RAI1: variants seen among roughly 807,000 people sequenced by gnomAD.
RAI1 encodes retinoic acid induced 1, also known as retinoic acid-induced protein 1.
In RAI1, 9 loss-of-function variants were observed where a neutral mutation model predicts 123.8. The observed-to-expected ratio is 0.07, with a 90% CI of 0.04 to 0.13. The LOEUF is 0.13. Ranked by LOEUF, RAI1 falls within the 10% of genes least tolerant of loss-of-function variation. The pLI is 1.00. For missense variants in RAI1, 2,256 were observed against 2,545.8 expected, an observed-to-expected ratio of 0.89 and a Z score of 2.45; for synonymous variants, 1,231 against 1,127.3, an observed-to-expected ratio of 1.09 and a Z score of -1.84.
At chr17:17,785,803 G>A (rs2031807464) in intron 2 of RAI1, among the ~76,000 whole-genome samples, 1 of 152,154 alleles carries the variant, frequency 6.6e-6, no homozygotes, top group Non-Finnish European at 1.5e-5. Context: ...AGCTTCTGCT[G>A]GGCCCGTGAG....
intron 1 of RAI1, among the ~76,000 whole-genome samples, chr17:17,716,345 A>C (rs539626258): frequency 3.3e-5 from 5 of 152,388 alleles, no homozygotes; most frequent in Non-Finnish European, 5.9e-5. Flanking sequence ...GGACTTCTAC[A>C]TAGAGAAATC....
intron 2 of RAI1, among the ~76,000 whole-genome samples, chr17:17,752,307 C>T (rs963080710): frequency 2.0e-5 from 3 of 152,218 alleles, no homozygotes; most frequent in African/African-American, 4.8e-5. Flanking sequence ...CGGGCAGACG[C>T]CCCTGATTGG....
intron 2 of RAI1, among the ~76,000 whole-genome samples, chr17:17,765,243 A>G (rs760659836): frequency 6.6e-6 from 1 of 152,354 alleles, no homozygotes; most frequent in African/African-American, 2.4e-5. Context: ...TTCCCATTCA[A>G]TGTGTGCCTT....
At chr17:17,725,912 G>A (rs1436356276) in intron 2 of RAI1, among the ~76,000 whole-genome samples, 3 of 152,094 alleles carry the variant, frequency 2.0e-5, no homozygotes, top group Non-Finnish European at 4.4e-5. Context: ...CTTGGTCCAG[G>A]AATAGAAAGA....
chr17:17,686,978 G>A (rs942287310), intron 1 of RAI1, among the ~76,000 whole-genome samples: 9 of 152,106 alleles, frequency 5.9e-5, no homozygotes, highest in Admixed American at 3.3e-4. Flanking sequence ...TGAACAATGA[G>A]CATCCGGTTT....
chr17:17,768,172 G>C (rs11658846), intron 2 of RAI1, among the ~76,000 whole-genome samples: 18,314 of 152,226 alleles, frequency 0.12, 1,943 homozygotes, highest in African/African-American at 0.29. Context: ...TGCCTGGGAC[G>C]TAGGGGACAC....
Position 17,770,414 on chromosome 17 carries a change from G to A in RAI1, c.-16-22519G>A, listed in dbSNP as rs572505415. 1.4e-4 allele frequency among the ~76,000 whole-genome samples: 22 copies of A among 152,314 alleles called. No individual in the cohort carries two copies. In the South Asian group the frequency reaches 3.7e-3, roughly 26 times the overall value. On this transcript the variant is annotated intron_variant, in intron 2 of 5. Coordinates refer to ENST00000353383, the MANE Select transcript of RAI1 (RefSeq NM_030665.4). ...CTCAGCCTGGGTAAGAGATGCTGGC[G>A]GCTGAGCTGGGATCCTTGCGTGTGC...
chr17:17,683,676 G>A (rs936378069), intron 1 of RAI1: 5 of 152,292 alleles, frequency 3.3e-5, no homozygotes, highest in African/African-American at 9.6e-5. Flanking sequence ...ACAAGCAAAA[G>A]CCTTGGAGAG....
In RAI1 at chr17:17,809,382, G is replaced by T; in HGVS notation, c.5660-8G>T. ...GTCCTAACCACCGAAACTTCTCTTTGGTCACAGGTTGCATATTCATCGAAG... is the reference window on the plus strand; with the variant it reads ...GTCCTAACCACCGAAACTTCTCTTTTGTCACAGGTTGCATATTCATCGAAG... On this transcript the variant is annotated splice_polypyrimidine_tract_variant and splice_region_variant and intron_variant, in intron 4 of 5. Coordinates refer to ENST00000353383, the MANE Select transcript of RAI1 (RefSeq NM_030665.4). This position sits in a 1 kb window ranked among gnomAD's most constrained non-coding sequence, Gnocchi z 4.9. The T allele has an allele frequency of 6.2e-7, 1 of 1,604,630 alleles. No homozygotes were observed. Among genetic ancestry groups the T allele is most frequent in the Non-Finnish European group, 8.5e-7 (1 of 1,171,538 alleles).
Position 17,797,076 on chromosome 17 carries a change from G to A in RAI1, c.4128G>A (p.Val1376=). 6.2e-7 allele frequency: 1 copy of A among 1,614,016 alleles called. No individual in the cohort carries two copies. Among genetic ancestry groups the A allele is most frequent in the Non-Finnish European group, 8.5e-7 (1 of 1,180,054 alleles). ...RGLKGAGGSP[V]GVEEGLVNVG... ...TCAAGGGTGCTGGGGGCAGCCCAGTGGGGGTGGAAGAAGGCCTGGTAAATG... is the reference window on the plus strand; with the variant it reads ...TCAAGGGTGCTGGGGGCAGCCCAGTAGGGGTGGAAGAAGGCCTGGTAAATG... Residue 1376 remains valine, a synonymous_variant, in exon 3 of 6, where the codon GTG becomes GTA. Coordinates refer to ENST00000353383, the MANE Select transcript of RAI1 (RefSeq NM_030665.4).
chr17:17,689,201 AC>A (rs985373467), intron 1 of RAI1, among the ~76,000 whole-genome samples: 1 of 147,092 alleles, frequency 6.8e-6, no homozygotes, highest in Admixed American at 6.7e-5. Context: ...CAGGTGATCC[AC>A]CCGCCTCAGC....
At chr17:17,790,041 G>T (rs1243832098) in intron 2 of RAI1, among the ~76,000 whole-genome samples, 1 of 152,088 alleles carries the variant, frequency 6.6e-6, no homozygotes, top group Non-Finnish European at 1.5e-5. Flanking sequence ...AGGGAGGGGG[G>T]TGCTCTTTCT....
chr17:17,782,749 C>T (rs1368001161), intron 2 of RAI1, among the ~76,000 whole-genome samples: 2 of 151,662 alleles, frequency 1.3e-5, no homozygotes, highest in African/African-American at 2.4e-5. Context: ...TGGGGCCCGG[C>T]GAGCCGGGCG....
chr17:17,768,778 A>G (rs1257939269), intron 2 of RAI1, among the ~76,000 whole-genome samples: 1 of 152,156 alleles, frequency 6.6e-6, no homozygotes. Flanking sequence ...TGGGAGGGGG[A>G]GGAGGTTCAG....
chr17:17,797,780 G>T lies in RAI1; in HGVS notation c.4832G>T (p.Cys1611Phe). The change falls in exon 3 of 6, where the codon TGC (cysteine) becomes TTC (phenylalanine). Residue 1611 changes from cysteine to phenylalanine, a missense_variant. Coordinates refer to ENST00000353383, the MANE Select transcript of RAI1 (RefSeq NM_030665.4). ...AAGCGAGACGCGTTCACCACCATAT[G>T]CACTGTTGTCAACTCCCCTGGAGAT... ...VEKRDAFTTI[C>F]TVVNSPGDAP... The T allele has an allele frequency of 6.2e-7, 1 of 1,614,084 alleles. No individual in the cohort carries two copies. The highest frequency in any genetic ancestry group is 1.1e-5 in the South Asian group (1 of 91,082).
intron 1 of RAI1, among the ~76,000 whole-genome samples, chr17:17,707,669 T>G (rs182592898): frequency 8.5e-5 from 13 of 152,276 alleles, no homozygotes; most frequent in African/African-American, 2.2e-4. Context: ...CTCAGCTCAC[T>G]GCAACCTCCA....
At chr17:17,725,041 C>T (rs1332834452) in intron 2 of RAI1, among the ~76,000 whole-genome samples, 7 of 151,862 alleles carry the variant, frequency 4.6e-5, no homozygotes, top group Non-Finnish European at 1.0e-4. Context: ...GGCTGCTGAC[C>T]CTGGGCCTCG....
chr17:17,697,279 A>G (rs898204564), intron 1 of RAI1, among the ~76,000 whole-genome samples: 1 of 152,242 alleles, frequency 6.6e-6, no homozygotes, highest in Non-Finnish European at 1.5e-5. Flanking sequence ...GATTTACTGG[A>G]TGGAAAAATC....
At chr17:17,704,503 T>G (rs938041092) in intron 1 of RAI1, among the ~76,000 whole-genome samples, 1 of 152,150 alleles carries the variant, frequency 6.6e-6, no homozygotes, top group Non-Finnish European at 1.5e-5. Context: ...CAGGCACCCG[T>G]GCCGGGCAGT....
Sources: allele counts gnomAD v4.1 joint callset (sites outside exome capture counted in the v4.1 genomes callset), GRCh38; gene constraint gnomAD v4.1.1; non-coding constraint Gnocchi (gnomAD v3.1); transcripts MANE v1.5; gene names NCBI Gene and HGNC (gene_info 2026-07-23, HGNC 2026-07-21).